Variants in SLC25A41 observed in about 807,000 individuals in gnomAD.
SLC25A41 encodes the protein solute carrier family 25 member 41, also known as mitochondrial carrier protein SCaMC-3L.
Under a neutral mutation model 34.7 loss-of-function variants are expected in SLC25A41, and 35 were observed. The ratio of observed to expected loss-of-function variants is 1.01; its 90% confidence interval spans 0.77 to 1.34. SLC25A41 has a LOEUF of 1.34. Ranked by LOEUF, SLC25A41 falls within the 40% of genes most tolerant of loss-of-function variation. The pLI, the probability that SLC25A41 is intolerant of heterozygous loss-of-function variation, is 0.00. For synonymous variants in SLC25A41, 190 were observed against 209.9 expected (o/e 0.91, Z 0.82); for missense variants, 492 against 489.8 (o/e 1.00, Z -0.04).
rs755789920 is a variant in SLC25A41 at position 6,430,051 on chromosome 19, C to G, written c.474G>C (p.Lys158Asn). 1 of 1,612,390 alleles carries G rather than the reference C, an allele frequency of 6.2e-7. No homozygotes were observed. The highest frequency in any genetic ancestry group is 8.5e-7 in the Non-Finnish European group (1 of 1,179,214). ...ACTTGATGGCATACTCAGGAGCAAT[C>G]TTGAGCACGTTGATGCCGTTGCCCC... is the stretch of plus-strand genomic sequence containing the variant. ...LWRGNGINVL[K>N]IAPEYAIKFS... Residue 158 changes from lysine to asparagine, a missense_variant, in exon 3 of 7, where the codon AAG (lysine) becomes AAC (asparagine). Lys to Asn is a moderately conservative substitution (Grantham distance 94, BLOSUM62 0). Coordinates refer to ENST00000321510, the MANE Select transcript of SLC25A41 (RefSeq NM_173637.4).
intron 2 of SLC25A41, 101 bp from the exon 3 acceptor site, chr19:6,430,262 A>G: frequency 1.5e-6 from 2 of 1,312,060 alleles, no homozygotes; most frequent in Non-Finnish European, 1.0e-6. Flanking sequence ...AAGCCACCCA[A>G]CCCCAACCCA....
At position 6,429,155 on chromosome 19, in the gene SLC25A41, TATATATATA is replaced by T. The variant is rs796847526; in HGVS notation, c.624+560_624+568del. ...TTATATATATATATAATATATATAT[TATATATATA>T]ATATATATATAATATATATATGTTA... On this transcript the variant is annotated intron_variant, in intron 4 of 6. Coordinates refer to ENST00000321510, the MANE Select transcript of SLC25A41 (RefSeq NM_173637.4). 6.8e-5 allele frequency among the ~76,000 whole-genome samples: 2 copies of T among 29,352 alleles called. 1 individual carries two copies. The highest frequency in any genetic ancestry group is 4.1e-4 in the African/African-American group (2 of 4,932). The allele number at this position is 29,352 out of a possible 152,430, so 19.3% of individuals were successfully genotyped here.
intron 4 of SLC25A41, among the ~76,000 whole-genome samples, chr19:6,429,091 TATGTTACA>T (rs2092261665): frequency 7.3e-5 from 3 of 41,284 alleles, no homozygotes; most frequent in African/African-American, 3.1e-4. Flanking sequence ...ATATTATATA[TATGTTACA>T]TATATATATA....
chr19:6,432,383 G>C (rs2092289422), intron 1 of SLC25A41, among the ~76,000 whole-genome samples, 179 bp from the exon 2 acceptor site: 1 of 150,886 alleles, frequency 6.6e-6, no homozygotes, highest in South Asian at 2.1e-4. Flanking sequence ...CACAATCTCA[G>C]CTCGTTGCAA....
At position 6,429,851 on chromosome 19, in the gene SLC25A41, G is replaced by T; in HGVS notation, c.517-20C>A. 1 of 1,608,382 alleles carries T rather than the reference G, an allele frequency of 6.2e-7. No homozygotes were observed. The highest frequency in any genetic ancestry group is 8.5e-7 in the Non-Finnish European group (1 of 1,176,350). ...CTTGCACTGGGAGAGGAGAGAGGAGGGTGAGAGAGAAGTCAGCCACCCTCC... is the reference window on the plus strand; with the variant it reads ...CTTGCACTGGGAGAGGAGAGAGGAGTGTGAGAGAGAAGTCAGCCACCCTCC... On this transcript the variant is annotated intron_variant, in intron 3 of 6. Coordinates refer to ENST00000321510, the MANE Select transcript of SLC25A41 (RefSeq NM_173637.4).
chr19:6,427,009 G>A lies in SLC25A41; in HGVS notation c.940+94C>T, dbSNP rs2092244930. ...AAGTGGGCTGGGATCAGACACGGAG[G>A]GTGCCGGACTCAGTTTTGGGGTATG... On this transcript the variant is annotated intron_variant, in intron 6 of 6. Coordinates refer to ENST00000321510, the MANE Select transcript of SLC25A41 (RefSeq NM_173637.4). The surrounding 1 kb of genome is among the most constrained non-coding windows in gnomAD (Gnocchi z 4.9). 5 of 1,378,694 alleles carry A rather than the reference G, an allele frequency of 3.6e-6. No homozygotes were observed. Among genetic ancestry groups the A allele is most frequent in the Non-Finnish European group, 3.9e-6 (4 of 1,015,060 alleles). The allele number at this position is 1,378,694 out of a possible 1,614,324, so 85.4% of individuals were successfully genotyped here.
rs1323053449 is a variant in SLC25A41, at chr19:6,427,448, C to T, written c.678G>A (p.Leu226=). 1.9e-6 allele frequency: 3 copies of T among 1,603,376 alleles called. No individual in the cohort carries two copies. The highest frequency in any genetic ancestry group is 3.4e-5 in the Admixed American group (2 of 58,934). ...GCTGCAAGATCTGCCTGGCGCAGTC[C>T]AGCAGCCCCTTGTACTGGCCCGTCC... ...LRRTGQYKGL[L]DCARQILQRE... The change falls in exon 5 of 7, where the codon CTG becomes CTA. Residue 226 remains leucine (L), a synonymous_variant. Coordinates refer to ENST00000321510, the MANE Select transcript of SLC25A41 (RefSeq NM_173637.4). The surrounding 1 kb of genome is among the most constrained non-coding windows in gnomAD (Gnocchi z 4.9).
At chr19:6,431,977 A>G (rs546076638) in intron 2 of SLC25A41, 72 bp downstream of exon 2, 2 of 1,538,972 alleles carry the variant, frequency 1.3e-6, no homozygotes, top group African/African-American at 1.4e-5. Context: ...CGTCAACTCC[A>G]TCTGTCCTCA....
chr19:6,428,126 T>C (rs1011166405), intron 4 of SLC25A41, among the ~76,000 whole-genome samples: 2 of 151,930 alleles, frequency 1.3e-5, no homozygotes, highest in Non-Finnish European at 2.9e-5. Context: ...AGATTAAGAG[T>C]GAACCCTAGG....
chr19:6,429,412 G>GAAA (rs2092271563), intron 4 of SLC25A41, among the ~76,000 whole-genome samples: 2 of 32,226 alleles, frequency 6.2e-5, no homozygotes, highest in East Asian at 1.6e-3. Flanking sequence ...GAAAGGAAGA[G>GAAA]GGGAGGAGAA....
intron 4 of SLC25A41, among the ~76,000 whole-genome samples, chr19:6,429,050 T>C (rs1175882594): frequency 2.0e-4 from 7 of 35,186 alleles, no homozygotes; most frequent in South Asian, 1.0e-3. Context: ...ATATATATAT[T>C]ATATATATGT....
intron 2 of SLC25A41, among the ~76,000 whole-genome samples, chr19:6,431,674 C>G (rs2092286107): frequency 6.6e-6 from 1 of 151,846 alleles, no homozygotes; most frequent in African/African-American, 2.4e-5. Context: ...ACTCCTGACC[C>G]CAGATGATCT....
chr19:6,434,634 T>C (rs563249214), upstream of SLC25A41, among the ~76,000 whole-genome samples: 3 of 152,104 alleles, frequency 2.0e-5, no homozygotes, highest in Admixed American at 2.0e-4. Context: ...CTAGGCCTGA[T>C]GTGGTGGCTG....
At chr19:6,432,741 G>C (rs2092291713) in intron 1 of SLC25A41, among the ~76,000 whole-genome samples, 1 of 151,512 alleles carries the variant, frequency 6.6e-6, no homozygotes, top group South Asian at 2.1e-4. Flanking sequence ...TGTGATCTCG[G>C]CTCACTGCAA....
In SLC25A41 at chr19:6,427,618, T is replaced by G; in HGVS notation, c.625-117A>C. 8.4e-7 allele frequency: 1 copy of G among 1,192,076 alleles called. No individual in the cohort carries two copies. Among genetic ancestry groups the G allele is most frequent in the Non-Finnish European group, 1.1e-6 (1 of 890,836 alleles). The allele number at this position is 1,192,076 out of a possible 1,614,324, so 73.8% of individuals were successfully genotyped here. ...AATGAGGCTCAGGAAGGCAAAGAGC[T>G]GGGTTTCAGACCCGGATCTGTCAGA... is the stretch of plus-strand genomic sequence containing the variant. On this transcript the variant is annotated intron_variant, in intron 4 of 6. Coordinates refer to ENST00000321510, the MANE Select transcript of SLC25A41 (RefSeq NM_173637.4). This position sits in a 1 kb window ranked among gnomAD's most constrained non-coding sequence, Gnocchi z 4.9.
upstream of SLC25A41, chr19:6,436,192 G>C (rs2092312114): frequency 7.4e-6 from 2 of 271,448 alleles, no homozygotes; most frequent in Non-Finnish European, 1.5e-5. Flanking sequence ...CATATTCTGA[G>C]CATTAGGAAC....
chr19:6,435,091 G>A (rs2092302666), upstream of SLC25A41, among the ~76,000 whole-genome samples: 1 of 151,786 alleles, frequency 6.6e-6, no homozygotes, highest in Admixed American at 6.6e-5. Flanking sequence ...GGGCATGGTG[G>A]TCCATGCCTG....
At position 6,427,289 on chromosome 19, in the gene SLC25A41, C is replaced by A. The variant is rs1350187816; in HGVS notation, c.793-39G>T. On this transcript the variant is annotated intron_variant, in intron 5 of 6. Coordinates refer to ENST00000321510, the MANE Select transcript of SLC25A41 (RefSeq NM_173637.4). The surrounding 1 kb of genome is among the most constrained non-coding windows in gnomAD (Gnocchi z 4.9). Reference sequence around the variant, plus strand: ...GGGCCAGGAGAAAGCTCACTAGGAGCCTGGGCTCCGGCCAGCCCTGCCACC... The same window carrying A: ...GGGCCAGGAGAAAGCTCACTAGGAGACTGGGCTCCGGCCAGCCCTGCCACC... 1 of 1,608,124 alleles carries A rather than the reference C, an allele frequency of 6.2e-7. No homozygotes were observed. Among genetic ancestry groups the A allele is most frequent in the Non-Finnish European group, 8.5e-7 (1 of 1,176,640 alleles).
rs1188926856 is a variant in SLC25A41, at chr19:6,429,023, TTATATA to T, written c.624+695_624+700del. Among the ~76,000 whole-genome samples, 9 of 51,854 alleles carry T rather than the reference TTATATA, an allele frequency of 1.7e-4. 1 individual carries two copies. In the Admixed American group the frequency reaches 3.5e-3, roughly 20 times the overall value. The allele number at this position is 51,854 out of a possible 152,430, so 34.0% of individuals were successfully genotyped here. On this transcript the variant is annotated intron_variant, in intron 4 of 6. Coordinates refer to ENST00000321510, the MANE Select transcript of SLC25A41 (RefSeq NM_173637.4). Reference sequence around the variant, plus strand: ...GAGCCAAGGTGTCTGGCCTGAAAATTTATATATATATATATAATATATATATTATAT... The same window carrying T: ...GAGCCAAGGTGTCTGGCCTGAAAATTTATATATATAATATATATATTATAT...
Sources: gnomAD v4.1 joint callset for allele counts (sites outside exome capture counted in the v4.1 genomes callset) on GRCh38, gnomAD v4.1.1 for gene constraint, Gnocchi (gnomAD v3.1) non-coding constraint, MANE v1.5 for transcripts, NCBI Gene and HGNC (gene_info 2026-07-23, HGNC 2026-07-21) for gene names.